Variants in GATB observed in about 807,000 individuals in gnomAD.
GATB encodes glutamyl-tRNA amidotransferase subunit B.
GATB carries 39 observed loss-of-function variants against 62.3 expected under a neutral mutation model. That is an observed-to-expected ratio of 0.63 (90% CI 0.48 to 0.82). The LOEUF is 0.82. Among genes scored for constraint, GATB ranks in the 40% least tolerant of loss-of-function variants. GATB has a pLI of 0.00. For missense variants in GATB, 670 were observed against 684.0 expected (o/e 0.98, Z 0.23); for synonymous variants, 276 against 258.9 (o/e 1.07, Z -0.63).
At chr4:151,727,489 G>C (rs1739158855) in intron 2 of GATB, among the ~76,000 whole-genome samples, 1 of 152,202 alleles carries the variant, frequency 6.6e-6, no homozygotes, top group Non-Finnish European at 1.5e-5. Flanking sequence ...AGTGGTTGGT[G>C]GCCAGTAAAA....
At chr4:151,722,217 T>C in intron 2 of GATB, 7 of 701,702 alleles carry the variant, frequency 1.0e-5, no homozygotes. Flanking sequence ...GTCTTCACTC[T>C]GAAAAAAAAA....
chr4:151,722,263 G>T (rs1056462038), intron 2 of GATB: 5 of 700,104 alleles, frequency 7.1e-6, no homozygotes, highest in African/African-American at 1.8e-5. Flanking sequence ...AACTTTAGGG[G>T]TACATAGATA....
At chr4:151,684,126 C>T (rs1156519097) in intron 10 of GATB, among the ~76,000 whole-genome samples, 1 of 152,220 alleles carries the variant, frequency 6.6e-6, no homozygotes, top group African/African-American at 2.4e-5. Context: ...CTGTGGGACA[C>T]ATCTTCCTCT....
chr4:151,706,431 A>AG (rs1738717105), intron 6 of GATB, among the ~76,000 whole-genome samples: 1 of 151,168 alleles, frequency 6.6e-6, no homozygotes, highest in South Asian at 2.1e-4. Flanking sequence ...CACTACCTAC[A>AG]GGGGGAGGTG....
intron 2 of GATB, among the ~76,000 whole-genome samples, chr4:151,735,324 C>G (rs1043834263): frequency 6.6e-6 from 1 of 150,952 alleles, no homozygotes; most frequent in Admixed American, 6.6e-5. Flanking sequence ...AAATGGCCAA[C>G]AAACATTATG....
intron 1 of GATB, among the ~76,000 whole-genome samples, chr4:151,760,142 T>C (rs1244025085): frequency 6.6e-6 from 1 of 152,170 alleles, no homozygotes; most frequent in Non-Finnish European, 1.5e-5. Flanking sequence ...TCTCAAAGAA[T>C]AAACAAAATA....
In GATB at chr4:151,716,111, C is replaced by T. The variant is rs137948992; in HGVS notation, c.661G>A (p.Val221Ile). The part of the protein sequence containing the change: ...NRAGVGLLEV[V>I]LEPDMSCGEE... Reference sequence around the variant, plus strand: ...CCACAGGACATGTCGGGCTCCAGGACCACCTCCAGAAGGCCCACTCCTACC... The same window carrying T: ...CCACAGGACATGTCGGGCTCCAGGATCACCTCCAGAAGGCCCACTCCTACC... The change falls in exon 5 of 13, where the codon GTC becomes ATC. Residue 221 changes from valine to isoleucine, a missense_variant. By Grantham distance (29) the Val-to-Ile change is conservative. Coordinates refer to ENST00000263985, the MANE Select transcript of GATB (RefSeq NM_004564.3). 5 of 1,613,794 alleles carry T rather than the reference C, an allele frequency of 3.1e-6. No individual in the cohort carries two copies. In the Admixed American group the frequency reaches 6.7e-5, roughly 22 times the overall value.
intron 5 of GATB, among the ~76,000 whole-genome samples, chr4:151,712,177 G>A (rs1368437467): frequency 6.6e-6 from 1 of 152,184 alleles, no homozygotes; most frequent in African/African-American, 2.4e-5. Flanking sequence ...ATACCTGAGA[G>A]GAATCATTTA....
chr4:151,760,640 TAGAA>T (rs1739934563), intron 1 of GATB, among the ~76,000 whole-genome samples, 163 bp downstream of exon 1: 1 of 152,212 alleles, frequency 6.6e-6, no homozygotes, highest in Non-Finnish European at 1.5e-5. Context: ...GCGGAGTTGA[TAGAA>T]AGTCTGTTTG....
chr4:151,708,307 C>CACATG (rs1238390280), intron 5 of GATB, among the ~76,000 whole-genome samples: 5 of 152,216 alleles, frequency 3.3e-5, no homozygotes, highest in African/African-American at 1.2e-4. Context: ...CCTGAGGCAT[C>CACATG]TACAGTGTGT....
intron 2 of GATB, among the ~76,000 whole-genome samples, chr4:151,737,637 C>T (rs115878039): frequency 0.013 from 1,915 of 152,256 alleles, 37 homozygotes; most frequent in African/African-American, 0.044. Flanking sequence ...TCACAGTAGC[C>T]CCTCTCATCA....
chr4:151,686,171 C>T (rs940141001), intron 10 of GATB, among the ~76,000 whole-genome samples: 2 of 152,084 alleles, frequency 1.3e-5, no homozygotes, highest in Admixed American at 6.5e-5. Context: ...TGGCTCACAC[C>T]GAGGCCCACA....
chr4:151,714,322 C>T (rs938561434), intron 5 of GATB, among the ~76,000 whole-genome samples: 3 of 152,120 alleles, frequency 2.0e-5, no homozygotes, highest in African/African-American at 7.2e-5. Context: ...GCTGCAGGCT[C>T]CAAGGCCAAC....
chr4:151,689,558 C>G (rs532428141), intron 9 of GATB, among the ~76,000 whole-genome samples: 11 of 152,244 alleles, frequency 7.2e-5, no homozygotes, highest in Non-Finnish European at 1.3e-4. Flanking sequence ...TCCCTGTTCA[C>G]GATATAGCTA....
chr4:151,731,632 G>T (rs1371796186), intron 2 of GATB, among the ~76,000 whole-genome samples: 1 of 152,020 alleles, frequency 6.6e-6, no homozygotes, highest in Non-Finnish European at 1.5e-5. Flanking sequence ...GAAGTGAGGA[G>T]TGCCTCTTCC....
At chr4:151,701,267 C>A in intron 9 of GATB, 62 bp downstream of exon 9, 4 of 1,364,740 alleles carry the variant, frequency 2.9e-6, no homozygotes, top group Non-Finnish European at 3.9e-6. Context: ...GTGGCGGGGC[C>A]TCTGAAGGGC....
At chr4:151,714,772 C>T (rs1188772656) in intron 5 of GATB, among the ~76,000 whole-genome samples, 5 of 152,052 alleles carry the variant, frequency 3.3e-5, no homozygotes, top group Non-Finnish European at 7.4e-5. Flanking sequence ...TCCAACTTGC[C>T]CACATTTCAT....
At chr4:151,711,762 A>G (rs1421065196) in intron 5 of GATB, among the ~76,000 whole-genome samples, 1 of 152,192 alleles carries the variant, frequency 6.6e-6, no homozygotes, top group Non-Finnish European at 1.5e-5. Flanking sequence ...CTTTTGTGGG[A>G]CCTAGAGTTG....
At chr4:151,754,706 A>G (rs1739789663) in intron 2 of GATB, among the ~76,000 whole-genome samples, 1 of 152,172 alleles carries the variant, frequency 6.6e-6, no homozygotes, top group African/African-American at 2.4e-5. Context: ...AACACTCCAA[A>G]TAACTACAGA....
Sources: gnomAD v4.1 joint callset for allele counts (sites outside exome capture counted in the v4.1 genomes callset) on GRCh38, gnomAD v4.1.1 for gene constraint, MANE v1.5 for transcripts, NCBI Gene and HGNC (gene_info 2026-07-23, HGNC 2026-07-21) for gene names.